The following PTPRD variants were observed in gnomAD, a reference collection of about 807,000 sequenced individuals.
PTPRD encodes the protein protein tyrosine phosphatase receptor type D, also known as receptor-type tyrosine-protein phosphatase delta.
Under a neutral mutation model 214.5 loss-of-function variants are expected in PTPRD, and 34 were observed. That is an observed-to-expected ratio of 0.16 (90% CI 0.12 to 0.21). The LOEUF is 0.21. PTPRD is among the 10% of genes least tolerant of loss of function. The pLI, the probability that PTPRD is intolerant of heterozygous loss-of-function variation, is 1.00. For synonymous variants in PTPRD, 1,128 were observed against 845.7 expected, an observed-to-expected ratio of 1.33 and a Z score of -5.79; for missense variants, 2,545 against 2,398.7, an observed-to-expected ratio of 1.06 and a Z score of -1.27.
intron 4 of PTPRD, among the ~76,000 whole-genome samples, chr9:9,970,757 G>GTAT (rs2095052373): frequency 6.6e-6 from 1 of 152,144 alleles, no homozygotes; most frequent in South Asian, 2.1e-4. Flanking sequence ...GAATGGGAAG[G>GTAT]CAGAGCTTCT....
At chr9:9,729,118 T>C (rs2098141334) in intron 7 of PTPRD, among the ~76,000 whole-genome samples, 2 of 152,064 alleles carry the variant, frequency 1.3e-5, no homozygotes, top group South Asian at 4.1e-4. Flanking sequence ...TCCGTTTGAG[T>C]AGTTTGGGCG....
At chr9:10,211,704 G>T (rs948585699) in intron 3 of PTPRD, among the ~76,000 whole-genome samples, 1 of 152,114 alleles carries the variant, frequency 6.6e-6, no homozygotes, top group African/African-American at 2.4e-5. Flanking sequence ...GGAACTGAAG[G>T]TCAAAAACCA....
At chr9:8,851,601 G>T (rs967951992) in intron 11 of PTPRD, among the ~76,000 whole-genome samples, 1 of 152,148 alleles carries the variant, frequency 6.6e-6, no homozygotes, top group Non-Finnish European at 1.5e-5. Flanking sequence ...GAAGACAACA[G>T]AACTCTATCA....
intron 2 of PTPRD, among the ~76,000 whole-genome samples, chr9:10,401,722 T>C (rs1260367582): frequency 6.7e-6 from 1 of 150,328 alleles, no homozygotes; most frequent in African/African-American, 2.4e-5. Context: ...AAAATAATTA[T>C]CATCTAGAAT....
At chr9:10,269,411 G>A (rs2094293964) in intron 3 of PTPRD, among the ~76,000 whole-genome samples, 1 of 152,124 alleles carries the variant, frequency 6.6e-6, no homozygotes, top group Non-Finnish European at 1.5e-5. Context: ...ATATGTGCAT[G>A]TGTAAGTTTT....
intron 3 of PTPRD, among the ~76,000 whole-genome samples, chr9:10,294,792 C>T (rs1309994931): frequency 6.6e-6 from 1 of 151,948 alleles, no homozygotes; most frequent in African/African-American, 2.4e-5. Flanking sequence ...ATTTTCTCTT[C>T]ACTTTACCAA....
chr9:9,994,213 C>A (rs988868022), intron 4 of PTPRD, among the ~76,000 whole-genome samples: 5 of 152,170 alleles, frequency 3.3e-5, no homozygotes, highest in African/African-American at 1.2e-4. Flanking sequence ...TTTTATTACA[C>A]ACATTTTGAG....
At chr9:10,222,162 T>C (rs914223666) in intron 3 of PTPRD, among the ~76,000 whole-genome samples, 1 of 152,096 alleles carries the variant, frequency 6.6e-6, no homozygotes, top group African/African-American at 2.4e-5. Flanking sequence ...GATGAAAATA[T>C]ATTTGTATAA....
chr9:8,582,776 T>C (rs2093293503), intron 14 of PTPRD, among the ~76,000 whole-genome samples: 1 of 152,222 alleles, frequency 6.6e-6, no homozygotes, highest in African/African-American at 2.4e-5. Flanking sequence ...ATCTTAGTTA[T>C]GCTGGTAGAA....
chr9:9,048,854 A>G (rs1488469013), intron 10 of PTPRD, among the ~76,000 whole-genome samples: 2 of 152,184 alleles, frequency 1.3e-5, no homozygotes, highest in Non-Finnish European at 2.9e-5. Flanking sequence ...GCTTGAGGGT[A>G]TAGATACCCC....
intron 3 of PTPRD, among the ~76,000 whole-genome samples, chr9:10,219,540 T>A (rs1179524230): frequency 1.3e-5 from 2 of 151,850 alleles, no homozygotes; most frequent in Non-Finnish European, 2.9e-5. Context: ...TAGAGTTAAC[T>A]CCTTCAGGGT....
chr9:9,255,998 G>A (rs2099977538), intron 9 of PTPRD, among the ~76,000 whole-genome samples: 1 of 151,980 alleles, frequency 6.6e-6, no homozygotes. Flanking sequence ...TTTTGCCAGG[G>A]CAAACACCTT....
At chr9:9,045,678 A>T (rs1207980297) in intron 10 of PTPRD, among the ~76,000 whole-genome samples, 1 of 152,108 alleles carries the variant, frequency 6.6e-6, no homozygotes, top group Non-Finnish European at 1.5e-5. Context: ...CTCTGCATAA[A>T]TTCTCCTCTC....
At chr9:10,045,112 A>G (rs746418777) in intron 3 of PTPRD, among the ~76,000 whole-genome samples, 1 of 151,786 alleles carries the variant, frequency 6.6e-6, no homozygotes, top group East Asian at 1.9e-4. Flanking sequence ...GTAATCATCT[A>G]TGAACTAATT....
At chr9:8,520,793 T>A (rs148038133) in intron 20 of PTPRD, among the ~76,000 whole-genome samples, 1 of 152,336 alleles carries the variant, frequency 6.6e-6, no homozygotes, top group African/African-American at 2.4e-5. Context: ...TTTTGATTTT[T>A]AATAGTAGGG....
intron 6 of PTPRD, among the ~76,000 whole-genome samples, chr9:9,765,699 C>G (rs1208149199): frequency 2.0e-5 from 3 of 152,184 alleles, no homozygotes; most frequent in Non-Finnish European, 4.4e-5. Flanking sequence ...CTCGCTCTGT[C>G]GCCCAGGCTG....
chr9:9,876,818 C>T (rs529996971), intron 5 of PTPRD, among the ~76,000 whole-genome samples: 2 of 152,074 alleles, frequency 1.3e-5, no homozygotes, highest in African/African-American at 2.4e-5. Flanking sequence ...GACGGCATGC[C>T]ATGCATTAAG....
chr9:9,635,141 CA>C (rs2095717962), intron 7 of PTPRD, among the ~76,000 whole-genome samples: 1 of 152,156 alleles, frequency 6.6e-6, no homozygotes, highest in African/African-American at 2.4e-5. Context: ...TGTAGCCACA[CA>C]AACTGGAATA....
intron 12 of PTPRD, among the ~76,000 whole-genome samples, chr9:8,708,964 G>C (rs1176900162): frequency 6.6e-6 from 1 of 152,044 alleles, no homozygotes; most frequent in East Asian, 1.9e-4. Flanking sequence ...GATGAGTCTG[G>C]AGACCATTAT....
Sources: allele counts gnomAD v4.1 joint callset (sites outside exome capture counted in the v4.1 genomes callset), GRCh38; gene constraint gnomAD v4.1.1; transcripts MANE v1.5; gene names NCBI Gene and HGNC (gene_info 2026-07-23, HGNC 2026-07-21).